Variants in ESRRA observed in about 807,000 individuals in gnomAD.
ESRRA encodes the protein estrogen related receptor alpha.
A neutral mutation model predicts 35.6 loss-of-function variants in ESRRA; 7 were observed. That is an observed-to-expected ratio of 0.20 (90% CI 0.11 to 0.37). The LOEUF (loss-of-function observed/expected upper bound fraction) is 0.37, where lower values mean the gene tolerates loss of function less well. Ranked by LOEUF, ESRRA falls within the 10% of genes least tolerant of loss-of-function variation. The pLI, the probability that ESRRA is intolerant of heterozygous loss-of-function variation, is 1.00. For synonymous variants in ESRRA, 223 were observed against 246.9 expected (o/e 0.90, Z 0.91); for missense variants, 378 against 561.7 (o/e 0.67, Z 3.31).
chr11:64,308,388 C>T (rs2035074840), intron 2 of ESRRA, among the ~76,000 whole-genome samples: 1 of 151,548 alleles, frequency 6.6e-6, no homozygotes, highest in South Asian at 2.1e-4. Context: ...TGGTGGCTCG[C>T]GCCTGTAATC....
intron 2 of ESRRA, among the ~76,000 whole-genome samples, chr11:64,311,780 C>A (rs183995521): frequency 3.9e-4 from 59 of 151,834 alleles, no homozygotes; most frequent in Non-Finnish European, 1.5e-4. Flanking sequence ...GCAACCTCCG[C>A]CTCCCAGGTT....
intron 2 of ESRRA, among the ~76,000 whole-genome samples, chr11:64,310,164 G>T (rs547896270): frequency 6.6e-6 from 1 of 151,892 alleles, no homozygotes; most frequent in African/African-American, 2.4e-5. Context: ...ATGTTAGACT[G>T]CTTCCTCTGC....
chr11:64,307,128 A>T, intron 1 of ESRRA, 40 bp from the exon 2 acceptor site: 1 of 1,493,834 alleles, frequency 6.7e-7, no homozygotes. Context: ...CATCCCCCAT[A>T]CCAGTGCTTT....
At chr11:64,307,595 C>A in intron 2 of ESRRA, 91 bp downstream of exon 2, 2 of 979,112 alleles carry the variant, frequency 2.0e-6, no homozygotes, top group South Asian at 4.9e-5. Context: ...TGTGGCACCG[C>A]TTGAGGCTAA....
intron 2 of ESRRA, among the ~76,000 whole-genome samples, chr11:64,310,615 G>A (rs1235077829): frequency 8.3e-5 from 11 of 133,184 alleles, no homozygotes; most frequent in African/African-American, 1.4e-4. Context: ...GCCTGCAGTC[G>A]TGGTTCACTG....
chr11:64,310,820 T>A (rs2035126749), intron 2 of ESRRA, among the ~76,000 whole-genome samples: 1 of 152,046 alleles, frequency 6.6e-6, no homozygotes, highest in African/African-American at 2.4e-5. Flanking sequence ...AGTGCTGGGA[T>A]TATAGGTGTG....
At chr11:64,307,123 C>G in intron 1 of ESRRA, 45 bp from the exon 2 acceptor site, 4 of 1,480,880 alleles carry the variant, frequency 2.7e-6, no homozygotes, top group Non-Finnish European at 3.6e-6. Context: ...TCTCCCATCC[C>G]CCATACCAGT....
chr11:64,309,775 T>A (rs1371040392), intron 2 of ESRRA, among the ~76,000 whole-genome samples: 4 of 150,550 alleles, frequency 2.7e-5, no homozygotes, highest in African/African-American at 9.8e-5. Context: ...GTACTAGAAA[T>A]ACAAAAATTA....
rs953107071 is a variant in ESRRA at position 64,316,199 on chromosome 11, A to G, written c.*233A>G. The G allele has an allele frequency of 6.0e-6, 3 of 500,202 alleles. No individual in the cohort carries two copies. Among genetic ancestry groups the G allele is most frequent in the African/African-American group, 5.8e-5 (3 of 51,442 alleles). The allele number at this position is 500,202 out of a possible 1,614,324, so 31.0% of individuals were successfully genotyped here. A position where few individuals can be genotyped will look rare whatever the true frequency, so the allele number is the denominator to read the frequency against. ...GGCACAGTGCTGCCCCTTGCAAGCC[A>G]TAACGTGCCCCCAGAGTGTAGGGGG... On this transcript the variant is annotated 3_prime_UTR_variant, in exon 7 of 7. Transcript: ENST00000000442.
rs1477865780 is a variant in ESRRA, at chr11:64,315,765, G to A, written c.1071G>A (p.Glu357=). The change falls in exon 7 of 7, where the codon GAG becomes GAA. Residue 357 remains glutamate (E), a synonymous_variant. Coordinates refer to ENST00000000442, the MANE Select transcript of ESRRA (RefSeq NM_004451.5). ...AGCAGCTGCGAGAAGCTCTGCACGA[G>A]GCCCTGCTGGAGTATGAAGCCGGCC... ...AVEQLREALH[E]ALLEYEAGRA... 7 of 1,613,894 alleles carry A rather than the reference G, an allele frequency of 4.3e-6. No homozygotes were observed. Among genetic ancestry groups the A allele is most frequent in the South Asian group, 3.3e-5 (3 of 91,076 alleles).
At chr11:64,306,343 G>C (rs1408418117) in intron 1 of ESRRA, 1 of 152,320 alleles carries the variant, frequency 6.6e-6, no homozygotes, top group Non-Finnish European at 1.5e-5. Context: ...CTCTGCGACA[G>C]CGGGAGTATA....
At chr11:64,306,964 C>A in intron 1 of ESRRA, 1 of 449,238 alleles carries the variant, frequency 2.2e-6, no homozygotes, top group Non-Finnish European at 3.9e-6. Context: ...CAGTTACTGG[C>A]CCTGAAGACT....
chr11:64,315,670 T>C (rs756119691), intron 6 of ESRRA, 37 bp from the exon 7 acceptor site: 16 of 1,608,058 alleles, frequency 9.9e-6, no homozygotes, highest in Middle Eastern at 1.7e-4. Context: ...TTGCCAGAGA[T>C]AGCCCAGGCC....
At position 64,315,085 on chromosome 11, in the gene ESRRA, G is replaced by A; in HGVS notation, c.827G>A (p.Arg276His). 6.2e-7 allele frequency: 1 copy of A among 1,611,458 alleles called. No individual in the cohort carries two copies. The highest frequency in any genetic ancestry group is 8.5e-7 in the Non-Finnish European group (1 of 1,179,850). ...MEVLVLGVAQRSLPLQDELAF... is the reference protein window; with the variant it reads ...MEVLVLGVAQHSLPLQDELAF... Reference sequence around the variant, plus strand: ...GTGCTGGTGCTGGGTGTGGCCCAGCGCTCACTGCCACTGCAGGATGAGCTG... The same window carrying A: ...GTGCTGGTGCTGGGTGTGGCCCAGCACTCACTGCCACTGCAGGATGAGCTG... Residue 276 changes from arginine to histidine, a missense_variant, in exon 6 of 7, where the codon CGC (arginine) becomes CAC (histidine). Arg to His is a conservative substitution (Grantham distance 29, BLOSUM62 0). Around this residue, in one of 4 missense-constraint regions of ESRRA, gnomAD observed 284 missense variants for 411.7 expected, o/e 0.69. Coordinates refer to ENST00000000442, the MANE Select transcript of ESRRA (RefSeq NM_004451.5).
Position 64,305,918 on chromosome 11 carries a change from C to T in ESRRA, c.-13+182C>T, listed in dbSNP as rs2035021827. Among the ~76,000 whole-genome samples the T allele has an allele frequency of 6.6e-6, 1 of 151,992 alleles. No homozygotes were observed. Among genetic ancestry groups the T allele is most frequent in the Admixed American group, 6.5e-5 (1 of 15,270 alleles). ...TGGTCAGGGTTCAGGCGGGATCCGG[C>T]GTCCGAGTCCTGGTGGGCCGGCCTG... On this transcript the variant is annotated intron_variant, in intron 1 of 6. Coordinates refer to ENST00000000442, the MANE Select transcript of ESRRA (RefSeq NM_004451.5). The surrounding 1 kb of genome is among the most constrained non-coding windows in gnomAD (Gnocchi z 5.8).
chr11:64,316,209 C>T lies in ESRRA; in HGVS notation c.*243C>T. On this transcript the variant is annotated 3_prime_UTR_variant, in exon 7 of 7. Coordinates refer to ENST00000000442, the MANE Select transcript of ESRRA (RefSeq NM_004451.5). ...TGCCCCTTGCAAGCCATAACGTGCC[C>T]CCAGAGTGTAGGGGGCCTTGCGGAA... 2.1e-6 allele frequency: 1 copy of T among 479,010 alleles called. No individual in the cohort carries two copies. The highest frequency in any genetic ancestry group is 3.7e-6 in the Non-Finnish European group (1 of 270,260). The allele number at this position is 479,010 out of a possible 1,614,324, so 29.7% of individuals were successfully genotyped here. A position where few individuals can be genotyped will look rare whatever the true frequency, so the allele number is the denominator to read the frequency against.
At position 64,307,365 on chromosome 11, in the gene ESRRA, C is replaced by A. The variant is rs530019281; in HGVS notation, c.186C>A (p.Gly62=). The change falls in exon 2 of 7, where the codon GGC becomes GGA. Residue 62 remains glycine (G), a synonymous_variant. Transcript: ENST00000000442. ...AGGATGGGGAGGGGGCTGGGCCTGG[C>A]GAGCAGGGCGGTGGGAAGCTGGTGC... The part of the protein sequence containing the change: ...EEEDGEGAGP[G]EQGGGKLVLS... 2 of 1,608,154 alleles carry A rather than the reference C, an allele frequency of 1.2e-6. No individual in the cohort carries two copies. Among genetic ancestry groups the A allele is most frequent in the Non-Finnish European group, 1.7e-6 (2 of 1,176,954 alleles).
Position 64,307,286 on chromosome 11 carries a change from C to T in ESRRA, c.107C>T (p.Ala36Val). 6.2e-7 allele frequency: 1 copy of T among 1,613,294 alleles called. No individual in the cohort carries two copies. Reference protein sequence around the residue: ...SSETETEPPVALAPGPAPTRC... With the variant: ...SSETETEPPVVLAPGPAPTRC... ...GAGACAGAGACCGAGCCTCCTGTGG[C>T]CCTGGCCCCTGGTCCAGCTCCCACT... Residue 36 changes from alanine to valine, a missense_variant, in exon 2 of 7, where the codon GCC becomes GTC. Physicochemically the swap from Ala to Val is moderately conservative, Grantham distance 64. This residue lies in a region of ESRRA where 87 missense variants were observed against 92.6 expected (regional missense o/e 0.94). Coordinates refer to ENST00000000442, the MANE Select transcript of ESRRA (RefSeq NM_004451.5).
At position 64,313,014 on chromosome 11, in the gene ESRRA, G is replaced by T. The variant is rs1467252829; in HGVS notation, c.326-937G>T. 2.0e-5 allele frequency among the ~76,000 whole-genome samples: 3 copies of T among 152,156 alleles called. No individual in the cohort carries two copies. Among genetic ancestry groups the T allele is most frequent in the Non-Finnish European group, 4.4e-5 (3 of 68,024 alleles). On this transcript the variant is annotated intron_variant, in intron 2 of 6. Transcript: ENST00000000442. The surrounding 1 kb of genome is among the most constrained non-coding windows in gnomAD (Gnocchi z 4.0). ...CCCCAGAGGGTTTTGAGAAGAGGAG[G>T]TACAGGATGTAATGGAGGCTTAATA... is the stretch of plus-strand genomic sequence containing the variant.
Sources: gnomAD v4.1 joint callset for allele counts (sites outside exome capture counted in the v4.1 genomes callset) on GRCh38, gnomAD v4.1.1 for gene constraint, gnomAD v4.1.1 regional missense constraint, Gnocchi (gnomAD v3.1) non-coding constraint, MANE v1.5 for transcripts, NCBI Gene and HGNC (gene_info 2026-07-23, HGNC 2026-07-21) for gene names.